The following RUNX1 variants were observed in gnomAD, a reference collection of about 807,000 sequenced individuals.
The protein encoded by RUNX1 is runt-related transcription factor 1.
A neutral mutation model predicts 42.8 loss-of-function variants in RUNX1; 19 were observed. That is an observed-to-expected ratio of 0.44 (90% CI 0.31 to 0.65). The LOEUF (loss-of-function observed/expected upper bound fraction) is 0.65, where lower values mean the gene tolerates loss of function less well. Among genes scored for constraint, RUNX1 ranks in the 30% least tolerant of loss-of-function variants. RUNX1 has a pLI of 0.07. For missense variants in RUNX1, 528 were observed against 672.0 expected (o/e 0.79, Z 2.37); for synonymous variants, 271 against 289.4 (o/e 0.94, Z 0.64).
At chr21:34,839,042 A>G (rs1345630021) in intron 6 of RUNX1, among the ~76,000 whole-genome samples, 1 of 152,162 alleles carries the variant, frequency 6.6e-6, no homozygotes, top group East Asian at 1.9e-4. Context: ...CCCCACCCCA[A>G]TTTCTTCTCA....
intron 2 of RUNX1, among the ~76,000 whole-genome samples, chr21:35,001,761 T>TA (rs1274395049): frequency 2.0e-5 from 3 of 152,198 alleles, no homozygotes; most frequent in African/African-American, 7.2e-5. Flanking sequence ...AATCCTGAAA[T>TA]AAAAATCTGT....
chr21:34,960,426 G>A (rs2058674153), intron 2 of RUNX1, among the ~76,000 whole-genome samples: 3 of 152,170 alleles, frequency 2.0e-5, no homozygotes, highest in Admixed American at 6.5e-5. Flanking sequence ...TTTGGGAGAT[G>A]GAAGAGCCAT....
intron 2 of RUNX1, among the ~76,000 whole-genome samples, chr21:34,959,705 G>A (rs80346360): frequency 1.8e-4 from 28 of 152,056 alleles, no homozygotes; most frequent in African/African-American, 6.3e-4. Flanking sequence ...TTAGGAACCT[G>A]AGTACCTGAG....
At chr21:34,853,811 C>A (rs1412501781) in intron 6 of RUNX1, among the ~76,000 whole-genome samples, 5 of 124,302 alleles carry the variant, frequency 4.0e-5, no homozygotes, top group Admixed American at 3.4e-4. Flanking sequence ...CCCTTCCTTC[C>A]TTCATTTTTT....
At position 34,799,301 on chromosome 21, in the gene RUNX1, T is replaced by G; in HGVS notation, c.967A>C (p.Thr323Pro). The G allele has an allele frequency of 6.2e-7, 1 of 1,614,178 alleles. No individual in the cohort carries two copies. The highest frequency in any genetic ancestry group is 8.5e-7 in the Non-Finnish European group (1 of 1,180,022). ...AAGAATGTGTTTTCAAGTGGCTTAC[T>G]TGAGAGTCGACTGGAAAGTTCTGCA... ...LSAELSSRLS[T>P]APDLTAFSDP... The change falls in exon 8 of 9, where the codon ACG (threonine) becomes CCG (proline). Residue 323 changes from threonine to proline, a missense_variant and splice_region_variant. Physicochemically the swap from Thr to Pro is conservative, Grantham distance 38. Around this residue, in one of 3 missense-constraint regions of RUNX1, gnomAD observed 331 missense variants for 382.5 expected, o/e 0.87. Coordinates refer to ENST00000675419, the MANE Select transcript of RUNX1 (RefSeq NM_001754.5).
At chr21:35,029,107 T>TCTCCACCATCTCTG (rs1338827796) in intron 2 of RUNX1, among the ~76,000 whole-genome samples, 1 of 152,152 alleles carries the variant, frequency 6.6e-6, no homozygotes, top group African/African-American at 2.4e-5. Context: ...TGGTGGCCTC[T>TCTCCACCATCTCTG]CTCCACCATC....
At position 34,792,700 on chromosome 21, in the gene RUNX1, T is replaced by C. The variant is rs73362831; in HGVS notation, c.968-90A>G. 1.5e-3 allele frequency: 1,926 copies of C among 1,298,386 alleles called. 17 individuals are homozygous for C. In the African/African-American group the frequency reaches 0.024, roughly 16 times the overall value. 80.4% of individuals were successfully genotyped at this position (1,298,386 alleles called of 1,614,324 possible). On this transcript the variant is annotated intron_variant, in intron 8 of 8. Transcript: ENST00000675419. The surrounding 1 kb of genome is among the most constrained non-coding windows in gnomAD (Gnocchi z 6.9). ...CTCTGCCCCAGGGGGCTACCCAGGA[T>C]GATACCGCCTAGGAGGATGGGAAGC...
At chr21:34,978,937 T>TACACACACACACAC (rs10673190) in intron 2 of RUNX1, among the ~76,000 whole-genome samples, 9,564 of 134,032 alleles carry the variant, frequency 0.071, 539 homozygotes, top group Middle Eastern at 0.1. Context: ...CACACACAGA[T>TACACACACACACAC]ACACACACAC....
At chr21:34,978,671 G>T (rs2058821951) in intron 2 of RUNX1, among the ~76,000 whole-genome samples, 1 of 152,072 alleles carries the variant, frequency 6.6e-6, no homozygotes, top group Admixed American at 6.6e-5. Context: ...AACATTTGCT[G>T]CTCATTTTGT....
Position 34,859,537 on chromosome 21 carries a change from G to A in RUNX1, c.550C>T (p.Pro184Ser), listed in dbSNP as rs2146236076. The A allele has an allele frequency of 6.2e-7, 1 of 1,614,208 alleles. No homozygotes were observed. The highest frequency in any genetic ancestry group is 2.2e-5 in the East Asian group (1 of 44,876). The part of the protein sequence containing the change: ...TLTITVFTNP[P>S]QVATYHRAIK... ...GCTCTGTGGTAGGTGGCGACTTGCG[G>A]TGGGTTTGTGAAGACAGTGATGGTC... The change falls in exon 6 of 9, where the codon CCG becomes TCG. Residue 184 changes from proline (P) to serine (S), a missense_variant. Around this residue, in one of 3 missense-constraint regions of RUNX1, gnomAD observed 83 missense variants for 174.5 expected, o/e 0.48. Coordinates refer to ENST00000675419, the MANE Select transcript of RUNX1 (RefSeq NM_001754.5).
intron 2 of RUNX1, among the ~76,000 whole-genome samples, chr21:35,014,404 T>C (rs1232227235): frequency 6.6e-6 from 1 of 152,214 alleles, no homozygotes; most frequent in East Asian, 1.9e-4. Flanking sequence ...ATTAGGAATC[T>C]GGTGACTTTC....
intron 3 of RUNX1, chr21:34,889,734 G>C (rs927815838): frequency 1.7e-6 from 2 of 1,181,308 alleles, no homozygotes; most frequent in Non-Finnish European, 2.1e-6. Flanking sequence ...GGTGCTGCGG[G>C]CATTTTCGCG....
At position 34,880,674 on chromosome 21, in the gene RUNX1, T is replaced by C. The variant is rs1555898641; in HGVS notation, c.391A>G (p.Thr131Ala). 7 of 1,614,148 alleles carry C rather than the reference T, an allele frequency of 4.3e-6. No homozygotes were observed. The highest frequency in any genetic ancestry group is 5.1e-6 in the Non-Finnish European group (6 of 1,180,004). The change falls in exon 5 of 9, where the codon ACT becomes GCT. Residue 131 changes from threonine to alanine, a missense_variant. Physicochemically the swap from Thr to Ala is moderately conservative, Grantham distance 58. This residue lies in a region of RUNX1 where 83 missense variants were observed against 174.5 expected (regional missense o/e 0.48). Transcript: ENST00000675419. Reference protein sequence around the residue: ...LGDVPDGTLVTVMAGNDENYS... With the variant: ...LGDVPDGTLVAVMAGNDENYS... ...TTTTCATCATTGCCAGCCATCACAG[T>C]GACCAGAGTGCCATCTGGAACATCC...
chr21:35,023,474 A>G (rs1037159743), intron 2 of RUNX1, among the ~76,000 whole-genome samples: 2 of 152,174 alleles, frequency 1.3e-5, no homozygotes, highest in African/African-American at 4.8e-5. Flanking sequence ...GGTGGATCAG[A>G]CTGAGGCTGC....
chr21:34,953,672 G>C (rs997792383), intron 2 of RUNX1, among the ~76,000 whole-genome samples: 2 of 152,160 alleles, frequency 1.3e-5, no homozygotes, highest in Admixed American at 1.3e-4. Context: ...ATCTCTAAAT[G>C]CAACTTCTAA....
chr21:34,833,757 G>A (rs2057098859), intron 7 of RUNX1: 1 of 190,804 alleles, frequency 5.2e-6, no homozygotes, highest in East Asian at 1.2e-4. Context: ...GGTCTACAGT[G>A]TAAATGAACT....
rs1380797631 is a variant in RUNX1, at chr21:34,926,485, AG to A, written c.59-33523del. 4.7e-3 allele frequency among the ~76,000 whole-genome samples: 584 copies of A among 124,674 alleles called. 211 individuals are homozygous for A. Among genetic ancestry groups the A allele is most frequent in the Non-Finnish European group, 7.4e-3 (421 of 57,090 alleles). The allele number at this position is 124,674 out of a possible 152,430, so 81.8% of individuals were successfully genotyped here. ...TCAAAAAAAAAAAAAAAAAAAAAAA[AG>A]ACAGCACATATTTATTATTGACTAA... On this transcript the variant is annotated intron_variant, in intron 2 of 8. Coordinates refer to ENST00000675419, the MANE Select transcript of RUNX1 (RefSeq NM_001754.5).
intron 2 of RUNX1, among the ~76,000 whole-genome samples, chr21:34,973,481 T>A (rs1244912998): frequency 6.6e-6 from 1 of 152,256 alleles, no homozygotes; most frequent in African/African-American, 2.4e-5. Flanking sequence ...TATACATATA[T>A]AAGTGATTTT....
intron 2 of RUNX1, among the ~76,000 whole-genome samples, chr21:34,912,367 G>A (rs373605840): frequency 4.0e-5 from 6 of 151,848 alleles, no homozygotes; most frequent in Admixed American, 6.6e-5. Context: ...TCTGTTTTGC[G>A]ATACTCTTGG....
Sources: gnomAD v4.1 joint callset for allele counts (sites outside exome capture counted in the v4.1 genomes callset) on GRCh38, gnomAD v4.1.1 for gene constraint, gnomAD v4.1.1 regional missense constraint, Gnocchi (gnomAD v3.1) non-coding constraint, MANE v1.5 for transcripts, NCBI Gene and HGNC (gene_info 2026-07-23, HGNC 2026-07-21) for gene names.